The following RAPGEF4 variants were observed in gnomAD, a reference collection of about 807,000 sequenced individuals.
RAPGEF4 encodes the protein Rap guanine nucleotide exchange factor 4.
A neutral mutation model predicts 147.9 loss-of-function variants in RAPGEF4; 66 were observed. The ratio of observed to expected loss-of-function variants is 0.45; its 90% CI spans 0.37 to 0.55. RAPGEF4 has a LOEUF of 0.55. Among genes scored for constraint, RAPGEF4 ranks in the 20% least tolerant of loss-of-function variants. The probability of loss-of-function intolerance (pLI) is 0.00; values close to 1 mark genes in which losing one functional copy is unlikely to be tolerated. For synonymous variants in RAPGEF4, 419 were observed against 442.7 expected (o/e 0.95, Z 0.67); for missense variants, 1,071 against 1,257.3 (o/e 0.85, Z 2.24).
chr2:172,761,051 C>T (rs1319802945), intron 1 of RAPGEF4, among the ~76,000 whole-genome samples: 2 of 150,580 alleles, frequency 1.3e-5, no homozygotes, highest in African/African-American at 2.4e-5. Context: ...ATGACAGGGG[C>T]TCTTCTCATC....
At chr2:173,034,695 G>T (rs1024316353) in intron 27 of RAPGEF4, among the ~76,000 whole-genome samples, 2 of 151,938 alleles carry the variant, frequency 1.3e-5, no homozygotes, top group African/African-American at 4.8e-5. Context: ...CCAACATGAC[G>T]AAACCCCATC....
At chr2:172,908,730 G>T (rs1404159356) in intron 4 of RAPGEF4, among the ~76,000 whole-genome samples, 2 of 152,146 alleles carry the variant, frequency 1.3e-5, no homozygotes, top group Non-Finnish European at 2.9e-5. Flanking sequence ...GATCATTGGG[G>T]CTGAAGGCCA....
intron 25 of RAPGEF4, among the ~76,000 whole-genome samples, chr2:173,029,366 CT>C (rs1403238851): frequency 6.6e-6 from 1 of 152,210 alleles, no homozygotes; most frequent in African/African-American, 2.4e-5. Flanking sequence ...AAAATGAATT[CT>C]TTCCCTTTTC....
At chr2:173,009,874 T>C (rs754366322) in intron 17 of RAPGEF4, among the ~76,000 whole-genome samples, 1 of 152,244 alleles carries the variant, frequency 6.6e-6, no homozygotes, top group Non-Finnish European at 1.5e-5. Flanking sequence ...ATTTGGGGGA[T>C]CAATTTCTAC....
At chr2:172,819,418 A>G (rs1301947026) in intron 4 of RAPGEF4, among the ~76,000 whole-genome samples, 1 of 151,900 alleles carries the variant, frequency 6.6e-6, no homozygotes, top group Admixed American at 6.5e-5. Context: ...AATTACATAC[A>G]GAAGAAAATG....
At chr2:173,019,374 G>T (rs1463880343) in intron 22 of RAPGEF4, among the ~76,000 whole-genome samples, 5 of 152,240 alleles carry the variant, frequency 3.3e-5, no homozygotes, top group African/African-American at 4.8e-5. Flanking sequence ...ACTGGCCACA[G>T]TGTGGCTACG....
At chr2:172,741,409 C>T (rs1559016418) in intron 1 of RAPGEF4, among the ~76,000 whole-genome samples, 1 of 152,224 alleles carries the variant, frequency 6.6e-6, no homozygotes, top group African/African-American at 2.4e-5. Context: ...ATGGTGGCCT[C>T]TGTAACCCAA....
intron 3 of RAPGEF4, among the ~76,000 whole-genome samples, chr2:172,812,780 G>T (rs1688149587): frequency 6.6e-6 from 1 of 152,194 alleles, no homozygotes. Flanking sequence ...CTTTCCGAAG[G>T]GTTCAGGTGA....
At chr2:172,779,934 G>A (rs931086823) in intron 1 of RAPGEF4, among the ~76,000 whole-genome samples, 2 of 152,066 alleles carry the variant, frequency 1.3e-5, no homozygotes, top group Non-Finnish European at 1.5e-5. Context: ...ACTTAGTCAC[G>A]CCATAGAATA....
Position 172,735,960 on chromosome 2 carries a change from G to A in RAPGEF4, c.-24G>A. The A allele has an allele frequency of 6.9e-7, 1 of 1,452,030 alleles. No individual in the cohort carries two copies. The highest frequency in any genetic ancestry group is 3.2e-5 in the East Asian group (1 of 31,158). The allele number at this position is 1,452,030 out of a possible 1,614,324, so 89.9% of individuals were successfully genotyped here. A position where few individuals can be genotyped will look rare whatever the true frequency, so the allele number is the denominator to read the frequency against. On this transcript the variant is annotated 5_prime_UTR_variant, in exon 1 of 31. Transcript: ENST00000397081. Reference sequence around the variant, plus strand: ...GAGCGCGGGAGGTCGCCGCAGCCAGGGACACCGCGCGCCGCCGCTCAACAT... The same window carrying A: ...GAGCGCGGGAGGTCGCCGCAGCCAGAGACACCGCGCGCCGCCGCTCAACAT...
intron 4 of RAPGEF4, among the ~76,000 whole-genome samples, chr2:172,842,003 T>G (rs1863166): frequency 0.49 from 74,821 of 152,008 alleles, 18,654 homozygotes; most frequent in East Asian, 0.57. Context: ...TGCCATAGTG[T>G]GTATCCTTTA....
intron 6 of RAPGEF4, among the ~76,000 whole-genome samples, chr2:172,933,461 T>C (rs963708360): frequency 2.0e-5 from 3 of 152,186 alleles, no homozygotes; most frequent in African/African-American, 7.2e-5. Flanking sequence ...AAGGTCACTG[T>C]ACTGGGCAGT....
intron 6 of RAPGEF4, among the ~76,000 whole-genome samples, chr2:172,937,529 A>G (rs186949014): frequency 6.6e-6 from 1 of 152,290 alleles, no homozygotes; most frequent in East Asian, 1.9e-4. Flanking sequence ...AAGAATATAT[A>G]CTATTAGTAT....
chr2:172,787,969 T>C (rs1445117442), intron 1 of RAPGEF4, among the ~76,000 whole-genome samples: 1 of 152,188 alleles, frequency 6.6e-6, no homozygotes, highest in African/African-American at 2.4e-5. Context: ...AATTTATTTC[T>C]CATAGTTCTA....
At chr2:172,988,315 T>G in intron 13 of RAPGEF4, 43 bp downstream of exon 13, 1 of 1,577,222 alleles carries the variant, frequency 6.3e-7, no homozygotes, top group Non-Finnish European at 8.6e-7. Context: ...TACGCTCCAC[T>G]TACTAGTGTG....
intron 3 of RAPGEF4, among the ~76,000 whole-genome samples, chr2:172,813,387 T>C (rs565688144): frequency 1.3e-5 from 2 of 152,330 alleles, no homozygotes; most frequent in African/African-American, 4.8e-5. Flanking sequence ...AGAGAGGAAA[T>C]TACTTTTTTT....
At chr2:172,861,766 C>G (rs1694075871) in intron 4 of RAPGEF4, among the ~76,000 whole-genome samples, 1 of 152,172 alleles carries the variant, frequency 6.6e-6, no homozygotes, top group African/African-American at 2.4e-5. Flanking sequence ...ATTAGACCGA[C>G]AGGAGTGCTG....
intron 1 of RAPGEF4, among the ~76,000 whole-genome samples, chr2:172,783,633 A>T (rs1341478980): frequency 1.3e-5 from 2 of 152,074 alleles, no homozygotes; most frequent in Non-Finnish European, 2.9e-5. Context: ...CAAAGTCAAG[A>T]GCCTCAGCCG....
rs767326515 is a variant in RAPGEF4, at chr2:173,023,637, G to A, written c.2253+2922G>A. Among the ~76,000 whole-genome samples the A allele has an allele frequency of 5.9e-5, 9 of 152,184 alleles. No homozygotes were observed. In the South Asian group the frequency reaches 6.2e-4, roughly 10 times the overall value. ...AAGTTGAGACTCAACAGAGCTTTCCGTTACTCTCAAAAGGGTTGCAGGAGT... is the reference window on the plus strand; with the variant it reads ...AAGTTGAGACTCAACAGAGCTTTCCATTACTCTCAAAAGGGTTGCAGGAGT... On this transcript the variant is annotated intron_variant, in intron 23 of 30. Transcript: ENST00000397081.
Sources: gnomAD v4.1 joint callset for allele counts (sites outside exome capture counted in the v4.1 genomes callset) on GRCh38, gnomAD v4.1.1 for gene constraint, MANE v1.5 for transcripts, NCBI Gene and HGNC (gene_info 2026-07-23, HGNC 2026-07-21) for gene names.